CRIM1: variants seen among roughly 807,000 people sequenced by gnomAD.
CRIM1 encodes the protein cysteine-rich motor neuron 1 protein.
CRIM1 carries 32 observed loss-of-function variants against 116.4 expected under a neutral mutation model. That is an observed-to-expected ratio of 0.27 (90% confidence interval 0.21 to 0.37). The LOEUF is 0.37. CRIM1 is among the 10% of genes least tolerant of loss of function. CRIM1 has a pLI of 1.00. For missense variants in CRIM1, 1,331 were observed against 1,354.8 expected (o/e 0.98, Z 0.28); for synonymous variants, 590 against 509.2 (o/e 1.16, Z -2.13).
chr2:36,383,797 C>T lies in CRIM1; in HGVS notation c.332-12817C>T, dbSNP rs75533155. ...GGTAGTAGCAGCTTTCTAGGTAGAC[C>T]GGAGGAAAAAAAAGTGTTCCTAAGC... is the stretch of plus-strand genomic sequence containing the variant. On this transcript the variant is annotated intron_variant, in intron 1 of 16. Transcript: ENST00000280527. 7.0e-3 allele frequency among the ~76,000 whole-genome samples: 1,071 copies of T among 151,916 alleles called. 38 individuals are homozygous for T. In the East Asian group the frequency reaches 0.076, roughly 11 times the overall value.
intron 5 of CRIM1, among the ~76,000 whole-genome samples, chr2:36,468,954 C>CTTA (rs1168345195): frequency 1.3e-5 from 2 of 152,216 alleles, no homozygotes; most frequent in Non-Finnish European, 2.9e-5. Flanking sequence ...GTATGACCTA[C>CTTA]TTATAAAACG....
chr2:36,440,034 G>A (rs1170700191), intron 2 of CRIM1, among the ~76,000 whole-genome samples: 4 of 152,184 alleles, frequency 2.6e-5, no homozygotes. Context: ...AGATAAGGAA[G>A]AGGAAAGATA....
At chr2:36,397,683 C>G (rs1415451787) in intron 2 of CRIM1, among the ~76,000 whole-genome samples, 1 of 152,112 alleles carries the variant, frequency 6.6e-6, no homozygotes, top group Admixed American at 6.5e-5. Context: ...GGCAGTAAAG[C>G]AGGACTGAAG....
intron 2 of CRIM1, among the ~76,000 whole-genome samples, chr2:36,436,529 T>C (rs1675325481): frequency 1.3e-5 from 2 of 152,308 alleles, no homozygotes; most frequent in African/African-American, 2.4e-5. Context: ...AGTTACTGGC[T>C]CGTAGTAGAT....
intron 7 of CRIM1, among the ~76,000 whole-genome samples, chr2:36,484,344 TC>T (rs1366277362): frequency 2.6e-5 from 4 of 152,208 alleles, no homozygotes; most frequent in African/African-American, 9.7e-5. Context: ...ATTTTTTTTT[TC>T]AATAATAGCA....
chr2:36,542,767 G>C (rs1020310956), intron 14 of CRIM1, among the ~76,000 whole-genome samples: 3 of 152,100 alleles, frequency 2.0e-5, no homozygotes, highest in African/African-American at 7.2e-5. Context: ...TGGCTTTTCT[G>C]CCCATATTCA....
intron 5 of CRIM1, among the ~76,000 whole-genome samples, chr2:36,470,974 C>T (rs1020403221): frequency 4.6e-5 from 7 of 152,140 alleles, no homozygotes; most frequent in African/African-American, 1.7e-4. Context: ...TTCCAACCCT[C>T]ATGAATGACT....
At chr2:36,397,010 C>G (rs896903360) in intron 2 of CRIM1, among the ~76,000 whole-genome samples, 2 of 152,114 alleles carry the variant, frequency 1.3e-5, no homozygotes, top group Admixed American at 1.3e-4. Flanking sequence ...GCAGGGCCCT[C>G]TGTGCCAGCC....
Position 36,548,632 on chromosome 2 carries a change from A to G in CRIM1, c.3042A>G (p.Arg1014=), listed in dbSNP as rs1667526720. The G allele has an allele frequency of 6.2e-7, 1 of 1,612,872 alleles. No homozygotes were observed. Among genetic ancestry groups the G allele is most frequent in the African/African-American group, 1.3e-5 (1 of 74,860 alleles). Residue 1014 remains arginine, a synonymous_variant, in exon 17 of 17, where the codon AGA becomes AGG. Coordinates refer to ENST00000280527, the MANE Select transcript of CRIM1 (RefSeq NM_016441.3). ...RMLRIAEPDA[R]FSGFYSMQKQ... The stretch of plus-strand genomic sequence containing the variant: ...TAAGAATTGCAGAACCAGATGCAAG[A>G]TTCAGTGGCTTCTACAGCATGCAAA...
At chr2:36,410,582 G>C (rs1673131754) in intron 2 of CRIM1, among the ~76,000 whole-genome samples, 1 of 151,488 alleles carries the variant, frequency 6.6e-6, no homozygotes, top group African/African-American at 2.4e-5. Context: ...CCCATGTTCT[G>C]TTATTAAGAG....
chr2:36,465,381 A>G (rs1677926516), intron 5 of CRIM1, among the ~76,000 whole-genome samples: 1 of 151,850 alleles, frequency 6.6e-6, no homozygotes, highest in Non-Finnish European at 1.5e-5. Context: ...AACAAAAAAT[A>G]AAATAAACAA....
At chr2:36,462,533 GACA>G (rs1677662941) in intron 4 of CRIM1, among the ~76,000 whole-genome samples, 2 of 152,226 alleles carry the variant, frequency 1.3e-5, no homozygotes, top group African/African-American at 4.8e-5. Context: ...AGTGTTGAAG[GACA>G]ACATCTGAAG....
At chr2:36,462,094 T>A (rs958672847) in intron 4 of CRIM1, among the ~76,000 whole-genome samples, 2 of 152,144 alleles carry the variant, frequency 1.3e-5, no homozygotes, top group African/African-American at 4.8e-5. Context: ...ATGCAGTCAG[T>A]TTAGTTGTAA....
Position 36,464,624 on chromosome 2 carries a change from A to G in CRIM1, c.960A>G (p.Gly320=), listed in dbSNP as rs1677854109. 1 of 1,614,064 alleles carries G rather than the reference A, an allele frequency of 6.2e-7. No individual in the cohort carries two copies. The highest frequency in any genetic ancestry group is 8.5e-7 in the Non-Finnish European group (1 of 1,180,004). ...TCTCTCGTGGCGATGGGACACCTGG[A>G]AAGTGCTGTGATGTCTTTGAATGTG... The part of the protein sequence containing the change: ...RIVSRGDGTP[G]KCCDVFECVN... Residue 320 remains glycine, a synonymous_variant, in exon 5 of 17, where the codon GGA becomes GGG. Transcript: ENST00000280527.
At chr2:36,457,476 C>T (rs1184153030) in intron 4 of CRIM1, among the ~76,000 whole-genome samples, 1 of 152,114 alleles carries the variant, frequency 6.6e-6, no homozygotes, top group Non-Finnish European at 1.5e-5. Flanking sequence ...AGAGTGTGAT[C>T]CCCAGGGCAG....
intron 4 of CRIM1, among the ~76,000 whole-genome samples, chr2:36,455,079 G>A (rs373549607): frequency 1.3e-5 from 2 of 152,168 alleles, no homozygotes; most frequent in East Asian, 3.9e-4. Flanking sequence ...ACTTTGAAGT[G>A]TCAGTGTGGT....
Position 36,550,187 on chromosome 2 carries a change from A to G in CRIM1, c.*1486A>G, listed in dbSNP as rs1307289773. 2 of 151,260 alleles carry G rather than the reference A, an allele frequency of 1.3e-5. No individual in the cohort carries two copies. The highest frequency in any genetic ancestry group is 6.6e-5 in the Admixed American group (1 of 15,182). The allele number at this position is 151,260 out of a possible 1,614,324, so 9.4% of individuals were successfully genotyped here. ...TTGGTTTTCAATTTGCTCACTGGCC[A>G]GAGACATTGATGGCAGTTCTTATCT... is the stretch of plus-strand genomic sequence containing the variant. On this transcript the variant is annotated 3_prime_UTR_variant, in exon 17 of 17. Coordinates refer to ENST00000280527, the MANE Select transcript of CRIM1 (RefSeq NM_016441.3).
At chr2:36,518,223 T>C (rs7602063) in intron 12 of CRIM1, among the ~76,000 whole-genome samples, 3,027 of 152,360 alleles carry the variant, frequency 0.02, 93 homozygotes, top group African/African-American at 0.068. Context: ...TTAGTAGTAC[T>C]TTTAATTAAT....
At chr2:36,532,050 T>C (rs774632628) in intron 13 of CRIM1, 3 of 468,006 alleles carry the variant, frequency 6.4e-6, no homozygotes, top group African/African-American at 6.0e-5. Context: ...CATTTCAAAC[T>C]GAATCTGACG....
Sources: gnomAD v4.1 joint callset for allele counts (sites outside exome capture counted in the v4.1 genomes callset) on GRCh38, gnomAD v4.1.1 for gene constraint, MANE v1.5 for transcripts, NCBI Gene and HGNC (gene_info 2026-07-23, HGNC 2026-07-21) for gene names.